Variants in KALRN observed in about 807,000 individuals in gnomAD.
KALRN encodes kalirin.
KALRN carries 70 observed loss-of-function variants against 353.7 expected under a neutral mutation model. The ratio of observed to expected loss-of-function variants is 0.20; its 90% confidence interval spans 0.16 to 0.24. The LOEUF is 0.24. Among genes scored for constraint, KALRN ranks in the 10% least tolerant of loss-of-function variants. The pLI is 1.00. For synonymous variants in KALRN, 1,391 were observed against 1,434.8 expected (o/e 0.97, Z 0.69); for missense variants, 2,791 against 3,756.7 (o/e 0.74, Z 6.72).
intron 4 of KALRN, 104 bp downstream of exon 4, chr3:124,264,794 T>C: frequency 2.0e-6 from 2 of 997,180 alleles, no homozygotes; most frequent in South Asian, 1.6e-5. Flanking sequence ...ATGTGACACC[T>C]CAAGGGCTGA....
intron 37 of KALRN, among the ~76,000 whole-genome samples, chr3:124,643,480 T>C (rs1017214803): frequency 2.0e-5 from 3 of 152,170 alleles, no homozygotes; most frequent in Non-Finnish European, 2.9e-5. Context: ...TTAAGGATTT[T>C]GTTGTTGTTC....
chr3:124,262,689 G>A (rs1426167102), intron 3 of KALRN, among the ~76,000 whole-genome samples: 1 of 152,178 alleles, frequency 6.6e-6, no homozygotes, highest in Non-Finnish European at 1.5e-5. Context: ...GTCAAGAGCT[G>A]TGGTCTCTTA....
At chr3:124,056,355 T>C (rs1559881535) in intron 1 of KALRN, among the ~76,000 whole-genome samples, 1 of 152,222 alleles carries the variant, frequency 6.6e-6, no homozygotes, top group African/African-American at 2.4e-5. Flanking sequence ...TGTGCAGTTC[T>C]ATGTCTGTAG....
intron 1 of KALRN, among the ~76,000 whole-genome samples, chr3:124,035,865 T>C (rs1468636307): frequency 6.6e-6 from 1 of 152,154 alleles, no homozygotes; most frequent in Non-Finnish European, 1.5e-5. Flanking sequence ...GTGCACTTAG[T>C]ATCAGAGAAA....
intron 3 of KALRN, among the ~76,000 whole-genome samples, chr3:124,239,606 A>G (rs141173561): frequency 3.3e-5 from 5 of 152,368 alleles, no homozygotes; most frequent in Non-Finnish European, 7.3e-5. Context: ...TTATTTGATA[A>G]CATTTGCTCT....
At chr3:124,634,925 T>C (rs607700) in intron 36 of KALRN, among the ~76,000 whole-genome samples, 97,836 of 152,000 alleles carry the variant, frequency 0.64, 32,328 homozygotes, top group East Asian at 0.9. Context: ...GTGTGTCCTT[T>C]CTGGTGACAT....
intron 1 of KALRN, among the ~76,000 whole-genome samples, chr3:124,189,487 A>G (rs1269855115): frequency 6.6e-6 from 1 of 152,166 alleles, no homozygotes; most frequent in Non-Finnish European, 1.5e-5. Context: ...TGGAGGTGTC[A>G]TATATGCAAG....
intron 37 of KALRN, among the ~76,000 whole-genome samples, chr3:124,643,765 CAT>C (rs1362207274): frequency 2.6e-5 from 4 of 152,002 alleles, no homozygotes; most frequent in African/African-American, 9.7e-5. Context: ...CAGCCACAGC[CAT>C]ATGTTATTTT....
At chr3:124,477,377 G>T in intron 27 of KALRN, 43 bp downstream of exon 27, 2 of 1,397,736 alleles carry the variant, frequency 1.4e-6, no homozygotes, top group Non-Finnish European at 2.0e-6. Flanking sequence ...TGAGCAGGTG[G>T]AAATGCTTCT....
intron 6 of KALRN, among the ~76,000 whole-genome samples, chr3:124,306,069 A>G (rs935177001): frequency 2.0e-5 from 3 of 151,948 alleles, no homozygotes; most frequent in Admixed American, 6.6e-5. Context: ...CAGTAAAGAC[A>G]TTATTATTAT....
chr3:124,145,276 G>A (rs184542888), intron 1 of KALRN, among the ~76,000 whole-genome samples: 1 of 152,248 alleles, frequency 6.6e-6, no homozygotes, highest in East Asian at 1.9e-4. Context: ...ACTCTGCTAC[G>A]TACCTGTGTG....
chr3:124,276,009 G>A (rs2074684311), intron 5 of KALRN, among the ~76,000 whole-genome samples: 1 of 152,210 alleles, frequency 6.6e-6, no homozygotes, highest in African/African-American at 2.4e-5. Flanking sequence ...TGTCCCATGA[G>A]AGGTGAGCAC....
intron 56 of KALRN, 74 bp downstream of exon 56, chr3:124,700,107 G>C: frequency 2.1e-6 from 3 of 1,462,520 alleles, no homozygotes; most frequent in African/African-American, 1.4e-5. Context: ...AGACTCCTGG[G>C]CACGTTGACA....
intron 2 of KALRN, among the ~76,000 whole-genome samples, chr3:124,230,381 T>G (rs2079011265): frequency 2.0e-5 from 3 of 152,170 alleles, no homozygotes; most frequent in Non-Finnish European, 2.9e-5. Context: ...TCTAATGTAT[T>G]CCTCTGAGAA....
At chr3:124,367,443 C>T (rs1442163909) in intron 10 of KALRN, among the ~76,000 whole-genome samples, 3 of 74,344 alleles carry the variant, frequency 4.0e-5, no homozygotes, top group African/African-American at 6.0e-5. Context: ...CCGGACGGGG[C>T]GGCTGGCCAG....
Position 124,674,614 on chromosome 3 carries a change from A to C in KALRN, c.7193A>C (p.Lys2398Thr). The C allele has an allele frequency of 6.3e-7, 1 of 1,578,802 alleles. No homozygotes were observed. The highest frequency in any genetic ancestry group is 2.3e-5 in the East Asian group (1 of 44,156). The change falls in exon 49 of 60, where the codon AAG (lysine) becomes ACG (threonine). Residue 2398 changes from lysine to threonine, a missense_variant and splice_region_variant. Around this residue, in one of 11 missense-constraint regions of KALRN, gnomAD observed 1,065 missense variants for 1,156.4 expected, o/e 0.92. Transcript: ENST00000682506. ...GCAGAAAGTAGTGACGGGAGCATCA[A>C]GTAAGTGCCTCGTTGGCTTCCCCGG... ...TAAESSDGSI[K>T]KSCSWHTLRM...
intron 36 of KALRN, among the ~76,000 whole-genome samples, chr3:124,636,023 G>A (rs895172488): frequency 2.0e-4 from 30 of 152,132 alleles, no homozygotes; most frequent in African/African-American, 7.2e-4. Flanking sequence ...AGATTAAAAA[G>A]AGGATAGCTT....
chr3:124,657,662 C>G, intron 40 of KALRN, 72 bp from the exon 41 acceptor site: 1 of 1,379,262 alleles, frequency 7.3e-7, no homozygotes, highest in Middle Eastern at 1.8e-4. Context: ...TTCTGTAATT[C>G]ATCTTATTAT....
intron 1 of KALRN, among the ~76,000 whole-genome samples, chr3:124,080,351 G>A (rs140690180): frequency 7.9e-4 from 121 of 152,304 alleles, no homozygotes; most frequent in African/African-American, 2.8e-3. Context: ...GAGGTTACTC[G>A]TAAAGCCAAA....
Sources: gnomAD v4.1 joint callset for allele counts (sites outside exome capture counted in the v4.1 genomes callset) on GRCh38, gnomAD v4.1.1 for gene constraint, gnomAD v4.1.1 regional missense constraint, MANE v1.5 for transcripts, NCBI Gene and HGNC (gene_info 2026-07-23, HGNC 2026-07-21) for gene names.